The following AP2A2 variants were observed in gnomAD, a reference collection of about 807,000 sequenced individuals.
AP2A2 encodes AP-2 complex subunit alpha-2.
AP2A2 carries 32 observed loss-of-function variants against 104.2 expected under a neutral mutation model. The ratio of observed to expected loss-of-function variants is 0.31; its 90% CI spans 0.23 to 0.41. The LOEUF (loss-of-function observed/expected upper bound fraction) is 0.41. Ranked by LOEUF, AP2A2 falls within the 10% of genes least tolerant of loss-of-function variation. AP2A2 has a pLI of 1.00. For missense variants in AP2A2, 912 were observed against 1,261.0 expected (o/e 0.72, Z 4.19); for synonymous variants, 539 against 533.3 (o/e 1.01, Z -0.15).
intron 14 of AP2A2, among the ~76,000 whole-genome samples, chr11:999,477 C>T (rs2133765519): frequency 6.6e-6 from 1 of 152,170 alleles, no homozygotes; most frequent in Admixed American, 6.5e-5. Context: ...CCAGCCTGGG[C>T]AATAGAGTGA....
intron 6 of AP2A2, among the ~76,000 whole-genome samples, chr11:983,120 C>A (rs1010947916): frequency 1.2e-4 from 17 of 144,242 alleles, no homozygotes; most frequent in Non-Finnish European, 1.5e-5. Context: ...TGTGTTCAAG[C>A]GATTCTCCTA....
At position 1,010,751 on chromosome 11, in the gene AP2A2, C is replaced by T. The variant is rs935443616; in HGVS notation, c.*126C>T. ...CAGCACAAGGCGCCTCCCCGCCCCG[C>T]CGCCCCACACCTCTCCCCTTTGGGC... On this transcript the variant is annotated 3_prime_UTR_variant, in exon 22 of 22. Coordinates refer to ENST00000448903, the MANE Select transcript of AP2A2 (RefSeq NM_012305.4). The T allele has an allele frequency of 2.6e-6, 2 of 759,476 alleles. No homozygotes were observed. The highest frequency in any genetic ancestry group is 2.7e-5 in the East Asian group (1 of 37,450). 47.0% of individuals were successfully genotyped at this position (759,476 alleles called of 1,614,324 possible).
chr11:1,002,841 A>G (rs534711824), intron 15 of AP2A2, among the ~76,000 whole-genome samples: 66 of 152,326 alleles, frequency 4.3e-4, no homozygotes, highest in African/African-American at 1.6e-3. Context: ...TTTCAGAATT[A>G]GGCTGCTGCC....
At chr11:933,768 G>A (rs866205983) in intron 1 of AP2A2, among the ~76,000 whole-genome samples, 88 of 152,174 alleles carry the variant, frequency 5.8e-4, no homozygotes, top group African/African-American at 2.1e-3. Context: ...AGGGAGCTTG[G>A]AACCATGCTT....
intron 3 of AP2A2, among the ~76,000 whole-genome samples, chr11:971,448 G>A (rs891909310): frequency 6.6e-6 from 1 of 152,176 alleles, no homozygotes; most frequent in African/African-American, 2.4e-5. Flanking sequence ...GGGAGGCTGG[G>A]TACATCTTTA....
intron 6 of AP2A2, among the ~76,000 whole-genome samples, chr11:984,081 C>T (rs1855363372): frequency 6.6e-6 from 1 of 152,200 alleles, no homozygotes; most frequent in Admixed American, 6.5e-5. Flanking sequence ...AAACAGGAGA[C>T]ATCGGGCTGT....
At chr11:966,700 A>G (rs1854629550) in intron 2 of AP2A2, among the ~76,000 whole-genome samples, 1 of 152,160 alleles carries the variant, frequency 6.6e-6, no homozygotes. Context: ...AGCCTCATGC[A>G]GGCTGTGTGG....
chr11:948,386 A>T (rs1451291029), intron 1 of AP2A2: 1 of 152,250 alleles, frequency 6.6e-6, no homozygotes, highest in Non-Finnish European at 1.5e-5. Flanking sequence ...GTCGTGACCG[A>T]AGCTAACTCA....
intron 9 of AP2A2, 84 bp from the exon 10 acceptor site, chr11:988,468 A>G (rs1168795491): frequency 1.3e-6 from 2 of 1,521,226 alleles, no homozygotes; most frequent in African/African-American, 2.7e-5. Flanking sequence ...GGGTGTTGAG[A>G]TGCGGGTGCC....
chr11:986,717 G>A (rs914977618), intron 8 of AP2A2, 68 bp from the exon 9 acceptor site: 5 of 1,550,692 alleles, frequency 3.2e-6, no homozygotes, highest in Non-Finnish European at 4.4e-6. Flanking sequence ...GTCGGGGAAC[G>A]CAGACTCTGT....
chr11:931,468 A>G (rs962118169), intron 1 of AP2A2, among the ~76,000 whole-genome samples: 5 of 152,234 alleles, frequency 3.3e-5, no homozygotes, highest in Non-Finnish European at 7.3e-5. Context: ...CTGCAAAACA[A>G]TCAGGACTGC....
chr11:973,609 C>T (rs1042469738), intron 4 of AP2A2, among the ~76,000 whole-genome samples: 2 of 151,766 alleles, frequency 1.3e-5, no homozygotes, highest in African/African-American at 4.8e-5. Flanking sequence ...TCATAGGTGG[C>T]AGAGCATGTG....
At chr11:937,937 G>T (rs1421587298) in intron 1 of AP2A2, among the ~76,000 whole-genome samples, 1 of 152,172 alleles carries the variant, frequency 6.6e-6, no homozygotes, top group Non-Finnish European at 1.5e-5. Flanking sequence ...GAACTGTGTC[G>T]GTTTGCCCCT....
At chr11:930,606 C>T (rs552305863) in intron 1 of AP2A2, among the ~76,000 whole-genome samples, 4 of 152,114 alleles carry the variant, frequency 2.6e-5, no homozygotes, top group African/African-American at 9.6e-5. Context: ...CTGCAAGCTC[C>T]GCCTCCCGGG....
rs544174091 is a variant in AP2A2 at position 1,004,129 on chromosome 11, A to T, written c.2206+325A>T. Among the ~76,000 whole-genome samples, 8 of 152,304 alleles carry T rather than the reference A, an allele frequency of 5.3e-5. No individual in the cohort carries two copies. In the East Asian group the frequency reaches 1.5e-3, roughly 29 times the overall value. Reference sequence around the variant, plus strand: ...TGGACAAAGTCACGAGGGAAGTGCCAATCAAAACCACAGTGAGCTACCACC... The same window carrying T: ...TGGACAAAGTCACGAGGGAAGTGCCTATCAAAACCACAGTGAGCTACCACC... On this transcript the variant is annotated intron_variant, in intron 16 of 21. Coordinates refer to ENST00000448903, the MANE Select transcript of AP2A2 (RefSeq NM_012305.4).
intron 1 of AP2A2, among the ~76,000 whole-genome samples, chr11:949,741 C>T (rs1853976488): frequency 6.6e-6 from 1 of 150,772 alleles, no homozygotes; most frequent in South Asian, 2.1e-4. Flanking sequence ...CGCCACTGCA[C>T]TCCAGCCTGG....
At chr11:1,002,104 A>AC (rs751139516) in intron 15 of AP2A2, among the ~76,000 whole-genome samples, 66 of 152,158 alleles carry the variant, frequency 4.3e-4, no homozygotes, top group Non-Finnish European at 8.1e-4. Flanking sequence ...GTTGGGATGA[A>AC]CCAAGCAGAG....
At chr11:961,411 T>A (rs28647253) in intron 2 of AP2A2, among the ~76,000 whole-genome samples, 1 of 67,470 alleles carries the variant, frequency 1.5e-5, no homozygotes, top group Admixed American at 1.8e-4. Flanking sequence ...TCGCCACCAC[T>A]AGTGAAAAGT....
At position 968,192 on chromosome 11, in the gene AP2A2, T is replaced by C. The variant is rs1473165121; in HGVS notation, c.137-1977T>C. On this transcript the variant is annotated intron_variant, in intron 2 of 21. Transcript: ENST00000448903. This position sits in a 1 kb window ranked among gnomAD's most constrained non-coding sequence, Gnocchi z 4.2. ...TTCTCCTCGCGCTGGCGACTTCCGC[T>C]GCCCCTCACGGTGCTTATGCAACAG... 6.6e-6 allele frequency among the ~76,000 whole-genome samples: 1 copy of C among 152,200 alleles called. No individual in the cohort carries two copies. Among genetic ancestry groups the C allele is most frequent in the Non-Finnish European group, 1.5e-5 (1 of 68,036 alleles).
Sources: allele counts gnomAD v4.1 joint callset (sites outside exome capture counted in the v4.1 genomes callset), GRCh38; gene constraint gnomAD v4.1.1; non-coding constraint Gnocchi (gnomAD v3.1); transcripts MANE v1.5; gene names NCBI Gene and HGNC (gene_info 2026-07-23, HGNC 2026-07-21).